DIAPH3: variants seen among roughly 807,000 people sequenced by gnomAD.
DIAPH3 encodes the protein protein diaphanous homolog 3.
In DIAPH3, 117 loss-of-function variants were observed where a neutral mutation model predicts 144.3. That is an observed-to-expected ratio of 0.81 (90% CI 0.70 to 0.95). The LOEUF is 0.95. Ranked by LOEUF, DIAPH3 falls within the 40% of genes least tolerant of loss-of-function variation. The pLI is 0.00. For missense variants in DIAPH3, 1,421 were observed against 1,412.7 expected, an observed-to-expected ratio of 1.01 and a Z score of -0.09; for synonymous variants, 519 against 488.9, an observed-to-expected ratio of 1.06 and a Z score of -0.81.
chr13:59,746,327 G>A (rs775313797), intron 27 of DIAPH3, among the ~76,000 whole-genome samples: 6 of 151,820 alleles, frequency 4.0e-5, no homozygotes, highest in Non-Finnish European at 7.4e-5. Flanking sequence ...AGGTTCAAGC[G>A]ATTCTTGTGT....
rs180917979 is a variant in DIAPH3, at chr13:59,983,925, T to C, written c.1362-38A>G. On this transcript the variant is annotated intron_variant, in intron 12 of 27. Coordinates refer to ENST00000400324, the MANE Select transcript of DIAPH3 (RefSeq NM_001042517.2). ...AAAAGAGTAAATGTACAATTGATAATTAGTGTAACTTTACATCAAAACAAA... is the reference window on the plus strand; with the variant it reads ...AAAAGAGTAAATGTACAATTGATAACTAGTGTAACTTTACATCAAAACAAA... 16 of 1,350,940 alleles carry C rather than the reference T, an allele frequency of 1.2e-5. No individual in the cohort carries two copies. In the African/African-American group the frequency reaches 2.3e-4, roughly 19 times the overall value. 83.7% of individuals were successfully genotyped at this position (1,350,940 alleles called of 1,614,324 possible).
intron 5 of DIAPH3, among the ~76,000 whole-genome samples, chr13:60,040,863 G>C (rs1321015253): frequency 6.6e-6 from 1 of 152,094 alleles, no homozygotes; most frequent in Non-Finnish European, 1.5e-5. Context: ...ACTCAAGCTG[G>C]AATGCAGTGG....
intron 17 of DIAPH3, among the ~76,000 whole-genome samples, chr13:59,931,509 A>G (rs2048015730): frequency 6.6e-6 from 1 of 152,284 alleles, no homozygotes; most frequent in South Asian, 2.1e-4. Context: ...TACATATCAT[A>G]AATTTGATAT....
intron 27 of DIAPH3, among the ~76,000 whole-genome samples, chr13:59,702,650 C>A (rs956904464): frequency 6.6e-5 from 10 of 152,116 alleles, no homozygotes; most frequent in Admixed American, 4.6e-4. Flanking sequence ...AATATTTAAG[C>A]CTTGAGATCC....
intron 4 of DIAPH3, among the ~76,000 whole-genome samples, chr13:60,066,661 G>A (rs2056978951): frequency 6.6e-6 from 1 of 152,222 alleles, no homozygotes; most frequent in Non-Finnish European, 1.5e-5. Context: ...TTGTTCATAT[G>A]CTACATTCCA....
chr13:60,116,074 T>C (rs938277638), intron 2 of DIAPH3, among the ~76,000 whole-genome samples: 4 of 152,164 alleles, frequency 2.6e-5, no homozygotes, highest in South Asian at 4.1e-4. Context: ...GTGATACATA[T>C]ATAACTTTTT....
intron 24 of DIAPH3, among the ~76,000 whole-genome samples, chr13:59,816,736 C>T (rs140274691): frequency 1.9e-3 from 289 of 151,672 alleles, no homozygotes; most frequent in African/African-American, 6.5e-3. Flanking sequence ...AATACATGTA[C>T]ATATTTTGGG....
At chr13:59,993,663 GA>G (rs1016460420) in intron 9 of DIAPH3, among the ~76,000 whole-genome samples, 7 of 117,916 alleles carry the variant, frequency 5.9e-5, no homozygotes, top group African/African-American at 2.3e-4. Flanking sequence ...GTGGGAATGG[GA>G]AATATGTCAG....
At chr13:60,124,663 G>C (rs1181491934) in intron 2 of DIAPH3, among the ~76,000 whole-genome samples, 1 of 151,930 alleles carries the variant, frequency 6.6e-6, no homozygotes. Flanking sequence ...ATACGGTCTT[G>C]GTAACATGGA....
chr13:60,037,407 A>T (rs895990350), intron 5 of DIAPH3, among the ~76,000 whole-genome samples: 1 of 151,998 alleles, frequency 6.6e-6, no homozygotes, highest in South Asian at 2.1e-4. Context: ...ATTTCACTCA[A>T]AACTAGCATA....
At chr13:60,156,939 A>ATATATTTTTTTT (rs1337230427) in intron 1 of DIAPH3, among the ~76,000 whole-genome samples, 1 of 82,070 alleles carries the variant, frequency 1.2e-5, no homozygotes, top group African/African-American at 5.4e-5. Context: ...ATATATATAT[A>ATATATTTTTTTT]TTTTTTTTTT....
At chr13:59,702,952 C>T (rs975752382) in intron 27 of DIAPH3, among the ~76,000 whole-genome samples, 9 of 152,166 alleles carry the variant, frequency 5.9e-5, no homozygotes, top group African/African-American at 2.2e-4. Context: ...TGTGGGGAAG[C>T]CTGCCTTCAT....
At chr13:59,945,194 T>G (rs2048740331) in intron 17 of DIAPH3, among the ~76,000 whole-genome samples, 1 of 152,158 alleles carries the variant, frequency 6.6e-6, no homozygotes, top group Non-Finnish European at 1.5e-5. Context: ...AAACTTCTGA[T>G]GGATCCTAGA....
chr13:59,983,099 A>C (rs902535890), intron 13 of DIAPH3, among the ~76,000 whole-genome samples: 2 of 150,128 alleles, frequency 1.3e-5, no homozygotes, highest in Non-Finnish European at 3.0e-5. Context: ...CTTTAATAAA[A>C]ACTCAAATGT....
intron 1 of DIAPH3, among the ~76,000 whole-genome samples, chr13:60,148,135 C>A (rs544554416): frequency 6.6e-6 from 1 of 152,264 alleles, no homozygotes; most frequent in South Asian, 2.1e-4. Context: ...AATGTTGACA[C>A]TGACTAAGAG....
intron 25 of DIAPH3, among the ~76,000 whole-genome samples, chr13:59,800,131 C>T (rs903145319): frequency 2.0e-5 from 3 of 152,138 alleles, no homozygotes; most frequent in Admixed American, 6.5e-5. Context: ...CGTGTGTACA[C>T]GTACACATGC....
chr13:59,700,464 A>G (rs1413955721), intron 27 of DIAPH3, among the ~76,000 whole-genome samples: 1 of 152,170 alleles, frequency 6.6e-6, no homozygotes, highest in Non-Finnish European at 1.5e-5. Context: ...TGTGGCAGAG[A>G]GAGAGAGCTC....
chr13:59,837,220 G>T (rs1015179516), intron 23 of DIAPH3, among the ~76,000 whole-genome samples: 2 of 152,046 alleles, frequency 1.3e-5, no homozygotes, highest in African/African-American at 4.8e-5. Context: ...GATATTTAAT[G>T]ACAGGATGTA....
At chr13:59,863,567 A>G (rs2043731713) in intron 21 of DIAPH3, among the ~76,000 whole-genome samples, 1 of 152,140 alleles carries the variant, frequency 6.6e-6, no homozygotes, top group Non-Finnish European at 1.5e-5. Context: ...TTATTGATTC[A>G]AAAACTATCA....
Sources: gnomAD v4.1 joint callset for allele counts (sites outside exome capture counted in the v4.1 genomes callset) on GRCh38, gnomAD v4.1.1 for gene constraint, MANE v1.5 for transcripts, NCBI Gene and HGNC (gene_info 2026-07-23, HGNC 2026-07-21) for gene names.